RALYL: variants seen among roughly 807,000 people sequenced by gnomAD.
RALYL encodes RALY RNA binding protein like, also known as RNA-binding Raly-like protein.
Under a neutral mutation model 35.1 loss-of-function variants are expected in RALYL, and 29 were observed. The observed-to-expected ratio is 0.83, with a 90% CI of 0.61 to 1.13. The LOEUF is 1.13. Among genes scored for constraint, RALYL ranks in the 50% most tolerant of loss-of-function variants. The pLI is 0.00. For synonymous variants in RALYL, 120 were observed against 127.6 expected, an observed-to-expected ratio of 0.94 and a Z score of 0.40; for missense variants, 359 against 360.4, an observed-to-expected ratio of 1.00 and a Z score of 0.03.
At chr8:84,721,000 G>A (rs1843794340) in intron 2 of RALYL, among the ~76,000 whole-genome samples, 1 of 151,990 alleles carries the variant, frequency 6.6e-6, no homozygotes. Flanking sequence ...ATGCTGGGGA[G>A]CATTTGGAGA....
chr8:84,698,305 A>G (rs1839532119), intron 2 of RALYL, among the ~76,000 whole-genome samples: 1 of 152,164 alleles, frequency 6.6e-6, no homozygotes, highest in African/African-American at 2.4e-5. Context: ...AGCTTCTGCA[A>G]TTAATTAGGG....
chr8:84,508,977 TA>T (rs1477276492), intron 1 of RALYL, among the ~76,000 whole-genome samples: 3 of 152,158 alleles, frequency 2.0e-5, no homozygotes, highest in Admixed American at 6.5e-5. Context: ...CTTGAATAAC[TA>T]AATTTGCGAT....
chr8:84,673,148 T>G (rs1040433012), intron 2 of RALYL, among the ~76,000 whole-genome samples: 1 of 152,192 alleles, frequency 6.6e-6, no homozygotes, highest in African/African-American at 2.4e-5. Flanking sequence ...TTTCATATGC[T>G]TGGTGGCCAC....
intron 1 of RALYL, among the ~76,000 whole-genome samples, chr8:84,223,542 G>T (rs2131340394): frequency 6.6e-6 from 1 of 152,244 alleles, no homozygotes; most frequent in Middle Eastern, 3.4e-3. Flanking sequence ...CAAATAGCAG[G>T]GTGTTGCACC....
At chr8:84,491,798 C>T (rs868308950) in intron 1 of RALYL, among the ~76,000 whole-genome samples, 1 of 151,918 alleles carries the variant, frequency 6.6e-6, no homozygotes, top group East Asian at 1.9e-4. Context: ...GATAATCTCT[C>T]GTACATTCCA....
At chr8:84,224,959 C>A (rs1292085094) in intron 1 of RALYL, among the ~76,000 whole-genome samples, 3 of 152,108 alleles carry the variant, frequency 2.0e-5, no homozygotes, top group African/African-American at 7.2e-5. Flanking sequence ...CCGGCCACTT[C>A]ATTAATACTT....
rs534050793 is a variant in RALYL at position 84,533,912 on chromosome 8, C to T, written c.256+4335C>T. ...GAACATTCAAATGCTTGTAACAATT[C>T]CCGTCAAGCATGTGCTGAGAGCAAT... On this transcript the variant is annotated intron_variant, in intron 2 of 8. Transcript: ENST00000521268. 2.6e-5 allele frequency among the ~76,000 whole-genome samples: 4 copies of T among 152,314 alleles called. No individual in the cohort carries two copies. The South Asian group carries it at 8.3e-4, about 32-fold the overall frequency.
chr8:84,209,812 TCCCC>T (rs1819018311), intron 1 of RALYL, among the ~76,000 whole-genome samples: 1 of 152,158 alleles, frequency 6.6e-6, no homozygotes, highest in Admixed American at 6.6e-5. Context: ...CACCTCTTCA[TCCCC>T]AACTACATGT....
intron 1 of RALYL, among the ~76,000 whole-genome samples, chr8:84,295,872 C>T (rs1839657627): frequency 6.6e-6 from 1 of 152,020 alleles, no homozygotes; most frequent in Admixed American, 6.6e-5. Context: ...GTCTAAGAAT[C>T]CTTGCATTAT....
intron 2 of RALYL, among the ~76,000 whole-genome samples, chr8:84,707,835 T>C (rs1304890387): frequency 6.6e-6 from 1 of 152,156 alleles, no homozygotes; most frequent in Non-Finnish European, 1.5e-5. Context: ...TAGAATGTAA[T>C]ACAATGGTTT....
intron 1 of RALYL, among the ~76,000 whole-genome samples, chr8:84,503,575 G>A (rs1177030180): frequency 6.6e-6 from 1 of 152,108 alleles, no homozygotes; most frequent in Admixed American, 6.6e-5. Flanking sequence ...GCAAGGCCGG[G>A]CATGGTGGCT....
intron 2 of RALYL, among the ~76,000 whole-genome samples, chr8:84,662,609 A>G (rs1261400579): frequency 6.6e-6 from 1 of 152,120 alleles, no homozygotes; most frequent in African/African-American, 2.4e-5. Context: ...ATAATTGTTT[A>G]AACTGGATGT....
chr8:84,503,740 T>C (rs2056915352), intron 1 of RALYL, among the ~76,000 whole-genome samples: 1 of 151,776 alleles, frequency 6.6e-6, no homozygotes, highest in Non-Finnish European at 1.5e-5. Flanking sequence ...TCCCACCTAC[T>C]CTGAAGGCTG....
intron 1 of RALYL, among the ~76,000 whole-genome samples, chr8:84,294,550 A>G (rs1839393107): frequency 6.6e-6 from 1 of 152,054 alleles, no homozygotes; most frequent in Admixed American, 6.6e-5. Flanking sequence ...CATGCTATCA[A>G]TTCATTATTC....
At chr8:84,533,334 A>G (rs2059391976) in intron 2 of RALYL, among the ~76,000 whole-genome samples, 1 of 152,194 alleles carries the variant, frequency 6.6e-6, no homozygotes, top group Non-Finnish European at 1.5e-5. Flanking sequence ...AATGCTTAAT[A>G]GAGACAATTT....
At chr8:84,579,244 G>A (rs1564179860) in intron 2 of RALYL, among the ~76,000 whole-genome samples, 1 of 152,184 alleles carries the variant, frequency 6.6e-6, no homozygotes, top group Non-Finnish European at 1.5e-5. Flanking sequence ...GGTTGCAACA[G>A]CACCCAGGCT....
intron 2 of RALYL, among the ~76,000 whole-genome samples, chr8:84,692,624 A>C (rs912737488): frequency 6.6e-6 from 1 of 152,070 alleles, no homozygotes; most frequent in African/African-American, 2.4e-5. Context: ...ATCTATTTCA[A>C]CTATTTCTGG....
chr8:84,283,391 A>G (rs1361753425), intron 1 of RALYL, among the ~76,000 whole-genome samples: 1 of 152,118 alleles, frequency 6.6e-6, no homozygotes. Context: ...ATCAAAGGAA[A>G]AAAGGCAAAA....
chr8:84,612,550 C>CAAGCATTTGCTTGTCTGTAAAGTAT (rs1564235368), intron 2 of RALYL, among the ~76,000 whole-genome samples: 15 of 151,938 alleles, frequency 9.9e-5, no homozygotes, highest in African/African-American at 3.6e-4. Flanking sequence ...TGTTACTCTA[C>CAAGCATTTGCTTGTCTGTAAAGTAT]TCCAGAAGAG....
Sources: allele counts gnomAD v4.1 joint callset (sites outside exome capture counted in the v4.1 genomes callset), GRCh38; gene constraint gnomAD v4.1.1; transcripts MANE v1.5; gene names NCBI Gene and HGNC (gene_info 2026-07-23, HGNC 2026-07-21).